FRMD4B: variants seen among roughly 807,000 people sequenced by gnomAD.
The protein encoded by FRMD4B is FERM domain-containing protein 4B.
In FRMD4B, 74 loss-of-function variants were observed where a neutral mutation model predicts 141.5. That is an observed-to-expected ratio of 0.52 (90% confidence interval 0.43 to 0.63). The LOEUF is 0.63. Ranked by LOEUF, FRMD4B falls within the 30% of genes least tolerant of loss-of-function variation. The probability of loss-of-function intolerance (pLI) is 0.00; values close to 1 mark genes in which losing one functional copy is unlikely to be tolerated. For missense variants in FRMD4B, 1,366 were observed against 1,253.4 expected (o/e 1.09, Z -1.36); for synonymous variants, 506 against 467.9 (o/e 1.08, Z -1.05).
intron 1 of FRMD4B, among the ~76,000 whole-genome samples, chr3:69,324,610 C>T (rs186260090): frequency 1.1e-4 from 16 of 152,130 alleles, no homozygotes; most frequent in Middle Eastern, 3.2e-3. Flanking sequence ...TCCCCTGGGA[C>T]GCAAAATCAC....
intron 1 of FRMD4B, chr3:69,542,160 C>T (rs1380087554): frequency 6.6e-6 from 1 of 152,014 alleles, no homozygotes; most frequent in Non-Finnish European, 1.5e-5. Context: ...CTTGCGGCCT[C>T]GCCCTGGCAG....
At chr3:69,496,274 T>A (rs774487229) in intron 1 of FRMD4B, among the ~76,000 whole-genome samples, 7 of 152,186 alleles carry the variant, frequency 4.6e-5, no homozygotes, top group Non-Finnish European at 8.8e-5. Flanking sequence ...CTGCACTCTT[T>A]AGAGGTTTTG....
intron 1 of FRMD4B, among the ~76,000 whole-genome samples, chr3:69,477,190 C>A (rs1381638207): frequency 2.0e-5 from 3 of 151,872 alleles, no homozygotes; most frequent in African/African-American, 7.3e-5. Flanking sequence ...ATTGAATACC[C>A]TTTATTTCCT....
chr3:69,529,407 T>C (rs1355287408), intron 1 of FRMD4B, among the ~76,000 whole-genome samples: 3 of 152,136 alleles, frequency 2.0e-5, no homozygotes, highest in Non-Finnish European at 4.4e-5. Context: ...CCTTATTTTA[T>C]AGATAAGGAG....
At position 69,181,717 on chromosome 3, in the gene FRMD4B, G is replaced by C. The variant is rs775089962; in HGVS notation, c.2040-7C>G. On this transcript the variant is annotated splice_region_variant and splice_polypyrimidine_tract_variant and intron_variant, in intron 20 of 22. Coordinates refer to ENST00000398540, the MANE Select transcript of FRMD4B (RefSeq NM_015123.3). ...CTGAGATGAAGATTCGGGTCTGAAA[G>C]AGGAGAAAGGCAAACTTCTCAACAC... 3.2e-6 allele frequency: 5 copies of C among 1,586,396 alleles called. No homozygotes were observed. Among genetic ancestry groups the C allele is most frequent in the East Asian group, 2.2e-5 (1 of 44,538 alleles).
chr3:69,531,538 T>C (rs941804950), intron 1 of FRMD4B, among the ~76,000 whole-genome samples: 6 of 152,254 alleles, frequency 3.9e-5, no homozygotes, highest in African/African-American at 1.2e-4. Flanking sequence ...GACAACACTA[T>C]GTAAATGAAA....
chr3:69,342,694 T>C (rs989707053), intron 1 of FRMD4B, among the ~76,000 whole-genome samples: 2 of 152,204 alleles, frequency 1.3e-5, no homozygotes, highest in Non-Finnish European at 2.9e-5. Flanking sequence ...TCAATACATA[T>C]CATCTACAGT....
intron 11 of FRMD4B, among the ~76,000 whole-genome samples, chr3:69,201,681 GT>G (rs1200505213): frequency 6.6e-6 from 1 of 152,118 alleles, no homozygotes; most frequent in African/African-American, 2.4e-5. Context: ...CTCCTACTGT[GT>G]TTTTTATTTC....
chr3:69,367,902 A>T (rs1237202537), intron 1 of FRMD4B, among the ~76,000 whole-genome samples: 1 of 152,204 alleles, frequency 6.6e-6, no homozygotes, highest in Non-Finnish European at 1.5e-5. Flanking sequence ...AGGTTGCAAC[A>T]ATTTATCAGA....
chr3:69,498,361 G>C (rs961899266), intron 1 of FRMD4B, among the ~76,000 whole-genome samples: 2 of 152,138 alleles, frequency 1.3e-5, no homozygotes, highest in Non-Finnish European at 2.9e-5. Flanking sequence ...ATATTTGTTA[G>C]GGCAATTATC....
intron 22 of FRMD4B, among the ~76,000 whole-genome samples, chr3:69,175,767 CTCTTTTTTTT>C (rs2092637737): frequency 8.6e-6 from 1 of 116,468 alleles, no homozygotes; most frequent in Non-Finnish European, 1.7e-5. Context: ...TTCTTTTCTT[CTCTTTTTTTT>C]TTTTTTTTTT....
intron 1 of FRMD4B, among the ~76,000 whole-genome samples, chr3:69,446,355 T>C (rs954206839): frequency 6.6e-6 from 1 of 151,820 alleles, no homozygotes; most frequent in African/African-American, 2.4e-5. Flanking sequence ...TTTCTTGAGA[T>C]GGAGTCTCAA....
chr3:69,242,478 A>ATTTTTTTTTTTTTTTTTTTT (rs71115667), intron 7 of FRMD4B, among the ~76,000 whole-genome samples: 1 of 54,554 alleles, frequency 1.8e-5, no homozygotes, highest in African/African-American at 7.4e-5. Flanking sequence ...AAATAGCTGC[A>ATTTTTTTTTTTTTTTTTTTT]TTTTTTTTTT....
intron 1 of FRMD4B, among the ~76,000 whole-genome samples, chr3:69,498,514 T>A (rs895801325): frequency 3.9e-5 from 6 of 152,306 alleles, no homozygotes; most frequent in South Asian, 4.1e-4. Context: ...TATAGCATGC[T>A]CTTCAAGGTA....
In FRMD4B at chr3:69,314,269, T is replaced by C. The variant is rs555587276; in HGVS notation, c.163-752A>G. 2.2e-5 allele frequency among the ~76,000 whole-genome samples: 3 copies of C among 135,394 alleles called. No individual in the cohort carries two copies. In the East Asian group the frequency reaches 6.8e-4, roughly 31 times the overall value. 88.8% of individuals were successfully genotyped at this position (135,394 alleles called of 152,430 possible). The stretch of plus-strand genomic sequence containing the variant: ...CCAGCCAGGCACAGTGGCTCACTCC[T>C]GTAATCCTAGCACTTTGGGAGGCAG... On this transcript the variant is annotated intron_variant, in intron 1 of 22. Coordinates refer to ENST00000398540, the MANE Select transcript of FRMD4B (RefSeq NM_015123.3).
At chr3:69,256,294 T>A (rs1221675031) in intron 5 of FRMD4B, among the ~76,000 whole-genome samples, 1 of 152,204 alleles carries the variant, frequency 6.6e-6, no homozygotes, top group East Asian at 1.9e-4. Context: ...GGTAGGAATA[T>A]GCTGGGTCAG....
intron 1 of FRMD4B, among the ~76,000 whole-genome samples, chr3:69,531,405 A>C (rs1412071363): frequency 2.0e-5 from 3 of 152,124 alleles, no homozygotes; most frequent in Non-Finnish European, 4.4e-5. Flanking sequence ...GCAAAAAAAA[A>C]GGAAAGAACC....
chr3:69,362,818 C>T (rs1225048541), intron 1 of FRMD4B, among the ~76,000 whole-genome samples: 1 of 151,900 alleles, frequency 6.6e-6, no homozygotes, highest in Admixed American at 6.6e-5. Context: ...TATTCCTGCC[C>T]ATCTTATTCT....
chr3:69,286,132 C>T (rs1385314582), intron 5 of FRMD4B, among the ~76,000 whole-genome samples: 1 of 152,154 alleles, frequency 6.6e-6, no homozygotes, highest in East Asian at 1.9e-4. Context: ...AGTATGCCCA[C>T]ACTATAAGAA....
Sources: allele counts gnomAD v4.1 joint callset (sites outside exome capture counted in the v4.1 genomes callset), GRCh38; gene constraint gnomAD v4.1.1; transcripts MANE v1.5; gene names NCBI Gene and HGNC (gene_info 2026-07-23, HGNC 2026-07-21).